GRIK4: variants seen among roughly 807,000 people sequenced by gnomAD.
The protein encoded by GRIK4 is glutamate ionotropic receptor kainate type subunit 4, also known as glutamate receptor ionotropic, kainate 4.
GRIK4 carries 40 observed loss-of-function variants against 104.9 expected under a neutral mutation model. That is an observed-to-expected ratio of 0.38 (90% confidence interval 0.30 to 0.50). The LOEUF is 0.50. GRIK4 is among the 20% of genes least tolerant of loss of function. The pLI, the probability that GRIK4 is intolerant of heterozygous loss-of-function variation, is 0.93. For missense variants in GRIK4, 1,047 were observed against 1,308.1 expected, an observed-to-expected ratio of 0.80 and a Z score of 3.08; for synonymous variants, 485 against 524.9, an observed-to-expected ratio of 0.92 and a Z score of 1.04.
chr11:120,845,920 C>T (rs1416452966), intron 8 of GRIK4, among the ~76,000 whole-genome samples: 1 of 152,154 alleles, frequency 6.6e-6, no homozygotes, highest in Non-Finnish European at 1.5e-5. Flanking sequence ...GCCAAGGTAC[C>T]ACCCTACCCA....
chr11:120,648,094 A>G (rs1949566927), intron 1 of GRIK4, among the ~76,000 whole-genome samples: 1 of 152,220 alleles, frequency 6.6e-6, no homozygotes, highest in Non-Finnish European at 1.5e-5. Flanking sequence ...TGTTGAGAGC[A>G]GGGATGACCC....
intron 15 of GRIK4, among the ~76,000 whole-genome samples, chr11:120,955,693 C>T (rs947413376): frequency 1.3e-5 from 2 of 152,214 alleles, no homozygotes; most frequent in African/African-American, 2.4e-5. Context: ...AGCAGCCCTT[C>T]TCAGCCCCAT....
Position 120,666,413 on chromosome 11 carries a change from A to G in GRIK4, c.82+6013A>G, listed in dbSNP as rs573567687. 7.9e-5 allele frequency among the ~76,000 whole-genome samples: 12 copies of G among 152,362 alleles called. No individual in the cohort carries two copies. The East Asian group carries it at 1.9e-3, about 24-fold the overall frequency. On this transcript the variant is annotated intron_variant, in intron 3 of 20. Coordinates refer to ENST00000527524, the MANE Select transcript of GRIK4 (RefSeq NM_014619.5). ...TGTGTTCTCGATGAGTGAGATCTGA[A>G]TGCCACCAGGGGCCAGTGTGGCGAC...
chr11:120,823,464 C>T (rs565749280), intron 6 of GRIK4, among the ~76,000 whole-genome samples: 7 of 152,222 alleles, frequency 4.6e-5, no homozygotes, highest in South Asian at 2.1e-4. Context: ...CCCTCCTCCC[C>T]GGTCATTCCA....
At chr11:120,957,336 G>C (rs1944178509) in intron 16 of GRIK4, among the ~76,000 whole-genome samples, 1 of 152,250 alleles carries the variant, frequency 6.6e-6, no homozygotes, top group Non-Finnish European at 1.5e-5. Flanking sequence ...AGTCCCTGCA[G>C]GAGGAAGCCA....
chr11:120,895,561 G>A (rs191952625), intron 11 of GRIK4, among the ~76,000 whole-genome samples: 7 of 152,192 alleles, frequency 4.6e-5, no homozygotes, highest in South Asian at 2.1e-4. Flanking sequence ...GCCATTCCCC[G>A]GTTAGCCTGG....
chr11:120,607,291 G>A (rs963168248), intron 1 of GRIK4, among the ~76,000 whole-genome samples: 7 of 152,224 alleles, frequency 4.6e-5, no homozygotes, highest in African/African-American at 1.7e-4. Context: ...TAACGGGTTT[G>A]GTTGAGGGGC....
At chr11:120,964,468 G>C (rs1320827822) in intron 18 of GRIK4, among the ~76,000 whole-genome samples, 2 of 152,024 alleles carry the variant, frequency 1.3e-5, no homozygotes, top group Admixed American at 6.5e-5. Flanking sequence ...ATATGTCATT[G>C]GTGTCCACTA....
At chr11:120,713,695 A>G (rs1450808247) in intron 3 of GRIK4, among the ~76,000 whole-genome samples, 1 of 152,184 alleles carries the variant, frequency 6.6e-6, no homozygotes, top group Non-Finnish European at 1.5e-5. Context: ...TCGGTGAGGT[A>G]GAGAGGTGGC....
At chr11:120,646,419 G>A (rs564494961) in intron 1 of GRIK4, among the ~76,000 whole-genome samples, 4 of 152,284 alleles carry the variant, frequency 2.6e-5, no homozygotes, top group Admixed American at 2.0e-4. Flanking sequence ...GAGCTTGTGC[G>A]GATAACCACT....
chr11:120,518,862 G>A (rs944359174), intron 1 of GRIK4, among the ~76,000 whole-genome samples: 2 of 152,104 alleles, frequency 1.3e-5, no homozygotes, highest in East Asian at 1.9e-4. Context: ...CAGGTGATCC[G>A]CCGGCCTCAG....
At chr11:120,582,632 G>C (rs1046873023) in intron 1 of GRIK4, among the ~76,000 whole-genome samples, 1 of 152,178 alleles carries the variant, frequency 6.6e-6, no homozygotes, top group Admixed American at 6.5e-5. Context: ...TCTCATGTTA[G>C]TTTGCTTAGA....
chr11:120,775,381 G>C (rs933665008), intron 3 of GRIK4, among the ~76,000 whole-genome samples: 6 of 152,222 alleles, frequency 3.9e-5, no homozygotes, highest in Non-Finnish European at 4.4e-5. Context: ...CAAGAGGACA[G>C]GGAATCAGGC....
chr11:120,864,195 G>A (rs762118777), intron 9 of GRIK4, among the ~76,000 whole-genome samples: 8 of 149,194 alleles, frequency 5.4e-5, no homozygotes, highest in Non-Finnish European at 1.0e-4. Flanking sequence ...TCTCATTCCA[G>A]TATTTTTATT....
chr11:120,800,206 G>A (rs1046001277), intron 3 of GRIK4, among the ~76,000 whole-genome samples: 4 of 152,054 alleles, frequency 2.6e-5, no homozygotes, highest in African/African-American at 4.8e-5. Flanking sequence ...CTCTTAGGTG[G>A]AACCCCAACC....
intron 4 of GRIK4, among the ~76,000 whole-genome samples, chr11:120,810,530 G>T (rs910418017): frequency 6.6e-6 from 1 of 152,154 alleles, no homozygotes; most frequent in South Asian, 2.1e-4. Context: ...AGTTTGCTAG[G>T]CAGAAGGGCA....
At chr11:120,638,147 T>C (rs1353103359) in intron 1 of GRIK4, among the ~76,000 whole-genome samples, 1 of 152,184 alleles carries the variant, frequency 6.6e-6, no homozygotes, top group East Asian at 1.9e-4. Context: ...CCCAAAGTGC[T>C]AGGATTACAG....
chr11:120,865,027 A>G (rs1260626678), intron 9 of GRIK4, among the ~76,000 whole-genome samples: 2 of 152,272 alleles, frequency 1.3e-5, no homozygotes, highest in Non-Finnish European at 2.9e-5. Context: ...ACGGAATCAG[A>G]TACGATTCTA....
intron 4 of GRIK4, among the ~76,000 whole-genome samples, chr11:120,803,669 C>T (rs1248587993): frequency 6.6e-6 from 1 of 152,120 alleles, no homozygotes; most frequent in African/African-American, 2.4e-5. Flanking sequence ...AACTCCTGAC[C>T]CCAAGTGATC....
Sources: allele counts gnomAD v4.1 joint callset (sites outside exome capture counted in the v4.1 genomes callset), GRCh38; gene constraint gnomAD v4.1.1; transcripts MANE v1.5; gene names NCBI Gene and HGNC (gene_info 2026-07-23, HGNC 2026-07-21).